The following SZT2 variants were observed in gnomAD, a reference collection of about 807,000 sequenced individuals.
SZT2 encodes the protein SZT2 subunit of KICSTOR complex.
A neutral mutation model predicts 404.2 loss-of-function variants in SZT2; 216 were observed. The observed-to-expected ratio is 0.53, with a 90% CI of 0.48 to 0.60. SZT2 has a LOEUF of 0.60. Among genes scored for constraint, SZT2 ranks in the 20% least tolerant of loss-of-function variants. The probability of loss-of-function intolerance (pLI) is 0.00; values close to 1 mark genes in which losing one functional copy is unlikely to be tolerated. For synonymous variants in SZT2, 1,693 were observed against 1,749.9 expected, an observed-to-expected ratio of 0.97 and a Z score of 0.81; for missense variants, 3,857 against 4,459.2, an observed-to-expected ratio of 0.86 and a Z score of 3.85.
Position 43,420,941 on chromosome 1 carries a change from A to G in SZT2, c.1454A>G (p.Tyr485Cys). Residue 485 changes from tyrosine to cysteine, a missense_variant, in exon 10 of 72, where the codon TAT (tyrosine) becomes TGT (cysteine). Physicochemically the swap from Tyr to Cys is radical, Grantham distance 194. This residue lies in a region of SZT2 where 536 missense variants were observed against 637.4 expected (regional missense o/e 0.84). Coordinates refer to ENST00000634258, the MANE Select transcript of SZT2 (RefSeq NM_001365999.1). The surrounding 1 kb of genome is among the most constrained non-coding windows in gnomAD (Gnocchi z 5.1). ...CALRQPIRSL[Y>C]RTHVIRRFWN... The stretch of plus-strand genomic sequence containing the variant: ...CTAAGGCAGCCCATTCGTTCATTGT[A>G]TCGTACCCATGTTATCCGGCGTTTC... The G allele has an allele frequency of 1.3e-6, 2 of 1,598,414 alleles. No homozygotes were observed. The highest frequency in any genetic ancestry group is 1.3e-5 in the African/African-American group (1 of 75,040).
Position 43,427,128 on chromosome 1 carries a change from C to CA in SZT2, c.3382_3383insA (p.Leu1128HisfsTer38). 6.2e-7 allele frequency: 1 copy of CA among 1,614,178 alleles called. No individual in the cohort carries two copies. Among genetic ancestry groups the CA allele is most frequent in the Non-Finnish European group, 8.5e-7 (1 of 1,180,026 alleles). On this transcript the variant is annotated frameshift_variant, in exon 24 of 72. Transcript: ENST00000634258. LOFTEE classifies it high-confidence loss of function. ...CCCTCAGTGGCGCTGCTATGCAAGG[C>CA]TTGTGAACCCCCAGCATGTGTTTCT...
At position 43,452,948 on chromosome 1, in the gene SZT2, G is replaced by C. The variant is rs778938916; in HGVS notation, c.*2468G>C. The C allele has an allele frequency of 5.0e-6, 8 of 1,609,498 alleles. No homozygotes were observed. The South Asian group carries it at 8.9e-5, about 18-fold the overall frequency. ...TGCCAAATACACCAGGCCTCCTCTT[G>C]CCACAGCACCCTTGCAAGGAACACT... is the stretch of plus-strand genomic sequence containing the variant. On this transcript the variant is annotated 3_prime_UTR_variant, in exon 72 of 72. Coordinates refer to ENST00000634258, the MANE Select transcript of SZT2 (RefSeq NM_001365999.1).
Position 43,437,508 on chromosome 1 carries a change from G to A in SZT2, c.6290G>A (p.Arg2097Gln), listed in dbSNP as rs1654581342. Residue 2097 changes from arginine to glutamine, a missense_variant and splice_region_variant, in exon 44 of 72, where the codon CGG becomes CAG. Coordinates refer to ENST00000634258, the MANE Select transcript of SZT2 (RefSeq NM_001365999.1). This position sits in a 1 kb window ranked among gnomAD's most constrained non-coding sequence, Gnocchi z 5.3. ...GCAACAAAGGCTGTGTACTATCTTC[G>A]GTATGTGGCCCTTGGAAGGTGGGTA... is the stretch of plus-strand genomic sequence containing the variant. ...ERATKAVYYL[R>Q]LLETSCSDRP... The A allele has an allele frequency of 4.3e-6, 7 of 1,614,116 alleles. No homozygotes were observed. The highest frequency in any genetic ancestry group is 4.5e-5 in the East Asian group (2 of 44,876).
chr1:43,410,655 G>A (rs1650926450), intron 4 of SZT2: 1 of 151,924 alleles, frequency 6.6e-6, no homozygotes, highest in African/African-American at 2.4e-5. Flanking sequence ...ACTGGACTGG[G>A]CAAAGATTTC....
In SZT2 at chr1:43,438,688, G is replaced by A; in HGVS notation, c.6509-11G>A. 1 of 1,612,594 alleles carries A rather than the reference G, an allele frequency of 6.2e-7. No homozygotes were observed. Among genetic ancestry groups the A allele is most frequent in the Non-Finnish European group, 8.5e-7 (1 of 1,178,860 alleles). Reference sequence around the variant, plus strand: ...CCAGTGTCCCCACCTTCCCACCATGGCTGTGTCAAGGTCCTGAGATCACGG... The same window carrying A: ...CCAGTGTCCCCACCTTCCCACCATGACTGTGTCAAGGTCCTGAGATCACGG... On this transcript the variant is annotated splice_polypyrimidine_tract_variant and intron_variant, in intron 46 of 71. Coordinates refer to ENST00000634258, the MANE Select transcript of SZT2 (RefSeq NM_001365999.1).
In SZT2 at chr1:43,446,236, A is replaced by T. The variant is rs1655655732; in HGVS notation, c.8974A>T (p.Ile2992Phe). Reference protein sequence around the residue: ...HLQRALPGGIILMELAFQGCY... With the variant: ...HLQRALPGGIFLMELAFQGCY... ...GCAGCGGGCACTGCCTGGGGGCATC[A>T]TCCTCATGGAACTGGCATTCCAGGT... is the stretch of plus-strand genomic sequence containing the variant. The change falls in exon 64 of 72, where the codon ATC (isoleucine) becomes TTC (phenylalanine). Residue 2992 changes from isoleucine to phenylalanine, a missense_variant. Ile to Phe is a conservative substitution (Grantham distance 21, BLOSUM62 0). Transcript: ENST00000634258. 2 of 1,614,126 alleles carry T rather than the reference A, an allele frequency of 1.2e-6. No homozygotes were observed. The highest frequency in any genetic ancestry group is 8.5e-7 in the Non-Finnish European group (1 of 1,180,052).
rs751021759 is a variant in SZT2, at chr1:43,439,026, G to A, written c.6725G>A (p.Arg2242Gln). 6.2e-6 allele frequency: 10 copies of A among 1,614,010 alleles called. No individual in the cohort carries two copies. Among genetic ancestry groups the A allele is most frequent in the African/African-American group, 1.3e-5 (1 of 74,896 alleles). Residue 2242 changes from arginine to glutamine, a missense_variant, in exon 48 of 72, where the codon CGG becomes CAG. Physicochemically the swap from Arg to Gln is conservative, Grantham distance 43. This residue lies in a region of SZT2 where 261 missense variants were observed against 372.9 expected (regional missense o/e 0.70). Transcript: ENST00000634258. This position sits in a 1 kb window ranked among gnomAD's most constrained non-coding sequence, Gnocchi z 4.2. ...PWLPALAWYL[R>Q]QNLLIFLHSP... The stretch of plus-strand genomic sequence containing the variant: ...CTTCCAGCCCTGGCATGGTACCTAC[G>A]GCAGAACTTGCTCATCTTCCTGCAC...
chr1:43,420,652 T>C lies in SZT2; in HGVS notation c.1262-97T>C, dbSNP rs553640745. 8.3e-7 allele frequency: 1 copy of C among 1,207,322 alleles called. No individual in the cohort carries two copies. Among genetic ancestry groups the C allele is most frequent in the African/African-American group, 1.5e-5 (1 of 66,856 alleles). The allele number at this position is 1,207,322 out of a possible 1,614,324, so 74.8% of individuals were successfully genotyped here. ...CCATGCTTGGAACCTTTGGCAGGAC[T>C]GGGTTCCATGAGGTAGGTGGGGGTT... On this transcript the variant is annotated intron_variant, in intron 9 of 71. Coordinates refer to ENST00000634258, the MANE Select transcript of SZT2 (RefSeq NM_001365999.1). This position sits in a 1 kb window ranked among gnomAD's most constrained non-coding sequence, Gnocchi z 5.1.
rs1194274165 is a variant in SZT2 at position 43,451,671 on chromosome 1, A to C, written c.*1191A>C. On this transcript the variant is annotated 3_prime_UTR_variant, in exon 72 of 72. Coordinates refer to ENST00000634258, the MANE Select transcript of SZT2 (RefSeq NM_001365999.1). ...ACCAACAATGGGCAGGAACTCCCGG[A>C]TGTTTCCTGTCAGGTTCCCATCCAT... The C allele has an allele frequency of 2.5e-6, 4 of 1,614,010 alleles. No homozygotes were observed. In the East Asian group the frequency reaches 8.9e-5, roughly 36 times the overall value.
chr1:43,451,506 G>A lies in SZT2; in HGVS notation c.*1026G>A. On this transcript the variant is annotated 3_prime_UTR_variant, in exon 72 of 72. Coordinates refer to ENST00000634258, the MANE Select transcript of SZT2 (RefSeq NM_001365999.1). ...AAATTCAGCTCTCCGGGGCTGCTGG[G>A]CTCCCCTCGGCCTGGGACCTGTGCC... The A allele has an allele frequency of 6.2e-7, 1 of 1,614,108 alleles. No homozygotes were observed. The highest frequency in any genetic ancestry group is 8.5e-7 in the Non-Finnish European group (1 of 1,180,022).
chr1:43,417,431 T>C (rs752785061), intron 7 of SZT2, among the ~76,000 whole-genome samples: 3 of 152,048 alleles, frequency 2.0e-5, no homozygotes, highest in Non-Finnish European at 4.4e-5. Context: ...AGAGAAGCAG[T>C]TGTGGTAGAG....
intron 33 of SZT2, 83 bp from the exon 34 acceptor site, chr1:43,431,182 T>C: frequency 1.3e-6 from 2 of 1,567,318 alleles, no homozygotes; most frequent in East Asian, 2.2e-5. Context: ...TAAGGAGACC[T>C]TGAGGAGTCC....
At position 43,453,044 on chromosome 1, in the gene SZT2, T is replaced by C; in HGVS notation, c.*2564T>C. 7.8e-7 allele frequency: 1 copy of C among 1,281,496 alleles called. No individual in the cohort carries two copies. The highest frequency in any genetic ancestry group is 1.1e-6 in the Non-Finnish European group (1 of 892,624). The allele number at this position is 1,281,496 out of a possible 1,614,324, so 79.4% of individuals were successfully genotyped here. ...AAGCATCACTACCTGTAAGCAGCTT[T>C]CTCTGATCCAGACAGGGTTAGGTGC... On this transcript the variant is annotated 3_prime_UTR_variant, in exon 72 of 72. Coordinates refer to ENST00000634258, the MANE Select transcript of SZT2 (RefSeq NM_001365999.1).
At chr1:43,390,121 C>T (rs1648101897) in intron 1 of SZT2, 126 bp downstream of exon 1, 3 of 1,165,802 alleles carry the variant, frequency 2.6e-6, no homozygotes, top group South Asian at 2.1e-5. Context: ...CAGGGACCAG[C>T]CCAGCCCGGA....
In SZT2 at chr1:43,442,204, G is replaced by C; in HGVS notation, c.7874-64G>C. 5 of 1,600,280 alleles carry C rather than the reference G, an allele frequency of 3.1e-6. 1 individual carries two copies. Among genetic ancestry groups the C allele is most frequent in the Non-Finnish European group, 2.6e-6 (3 of 1,172,554 alleles). On this transcript the variant is annotated intron_variant, in intron 56 of 71. Coordinates refer to ENST00000634258, the MANE Select transcript of SZT2 (RefSeq NM_001365999.1). This position sits in a 1 kb window ranked among gnomAD's most constrained non-coding sequence, Gnocchi z 4.5. ...TGGTGGGGTCTCCAACCTTGCAGAG[G>C]GGAGGGTGGGATCAAGGGGGATCTG...
At chr1:43,399,738 G>C (rs1649452233) in intron 1 of SZT2, among the ~76,000 whole-genome samples, 1 of 150,476 alleles carries the variant, frequency 6.6e-6, no homozygotes, top group African/African-American at 2.4e-5. Context: ...TGGGATTACA[G>C]ACGTGAGCCA....
intron 4 of SZT2, among the ~76,000 whole-genome samples, chr1:43,411,784 T>G (rs1651080652): frequency 7.3e-6 from 1 of 137,720 alleles, no homozygotes; most frequent in Admixed American, 7.1e-5. Flanking sequence ...TTTTTTTTTT[T>G]TTTTTTTTTT....
rs1425556727 is a variant in SZT2 at position 43,446,505 on chromosome 1, A to G, written c.9072+89A>G. ...TGTCCCATTTGCTGGGCAGTAGAGT[A>G]ATGCAGTAGGCGGGCTGGCCCAGTG... On this transcript the variant is annotated intron_variant, in intron 65 of 71. Transcript: ENST00000634258. The G allele has an allele frequency of 2.0e-6, 3 of 1,515,670 alleles. No homozygotes were observed. The East Asian group carries it at 6.8e-5, about 34-fold the overall frequency. 93.9% of individuals were successfully genotyped at this position (1,515,670 alleles called of 1,614,324 possible). A position where few individuals can be genotyped will look rare whatever the true frequency, so the allele number is the denominator to read the frequency against.
At position 43,446,189 on chromosome 1, in the gene SZT2, C is replaced by G. The variant is rs904301834; in HGVS notation, c.8927C>G (p.Ser2976Cys). ...KTDGSPKSTS[S>C]PVTTYHLQRA... Reference sequence around the variant, plus strand: ...TTTTTGTTTCTTCAGAGCACTAGCTCTCCGGTAACCACCTACCACCTGCAG... The same window carrying G: ...TTTTTGTTTCTTCAGAGCACTAGCTGTCCGGTAACCACCTACCACCTGCAG... The change falls in exon 64 of 72, where the codon TCT (serine) becomes TGT (cysteine). Residue 2976 changes from serine to cysteine, a missense_variant. Ser to Cys is a moderately radical substitution (Grantham distance 112). Transcript: ENST00000634258. 5.0e-6 allele frequency: 8 copies of G among 1,614,086 alleles called. No homozygotes were observed. The African/African-American group carries it at 1.1e-4, about 22-fold the overall frequency.
Sources: gnomAD v4.1 joint callset for allele counts (sites outside exome capture counted in the v4.1 genomes callset) on GRCh38, gnomAD v4.1.1 for gene constraint, gnomAD v4.1.1 regional missense constraint, Gnocchi (gnomAD v3.1) non-coding constraint, MANE v1.5 for transcripts, NCBI Gene and HGNC (gene_info 2026-07-23, HGNC 2026-07-21) for gene names.